CAMKMT: variants seen among roughly 807,000 people sequenced by gnomAD.
CAMKMT encodes calmodulin-lysine N-methyltransferase, also known as CaM KMT.
A neutral mutation model predicts 48.0 loss-of-function variants in CAMKMT; 53 were observed. That is an observed-to-expected ratio of 1.10 (90% CI 0.89 to 1.39). The LOEUF (loss-of-function observed/expected upper bound fraction) is 1.39. Among genes scored for constraint, CAMKMT ranks in the 40% most tolerant of loss-of-function variants. The pLI is 0.00. For synonymous variants in CAMKMT, 165 were observed against 152.3 expected (o/e 1.08, Z -0.61); for missense variants, 428 against 402.7 (o/e 1.06, Z -0.54).
intron 3 of CAMKMT, among the ~76,000 whole-genome samples, chr2:44,608,445 C>A (rs916487755): frequency 6.6e-6 from 1 of 151,988 alleles, no homozygotes; most frequent in Non-Finnish European, 1.5e-5. Flanking sequence ...ATTTATGGGG[C>A]ACCTATTGAC....
chr2:44,372,800 G>T lies in CAMKMT; in HGVS notation c.223G>T (p.Glu75Ter). ...ATCATTTAATCTGTTTTCAGTAACA[G>T]AAGGCAAAGAAAGGGAAACTGAAGA... Reference protein sequence around the residue: ...FESFNLFSVTEGKERETEEEV... With the variant: ...FESFNLFSVT Residue 75 changes from glutamate to a stop codon, truncating the protein, a stop_gained, in exon 2 of 11, where the codon GAA (glutamate) becomes TAA (stop). Transcript: ENST00000378494. LOFTEE classifies it high-confidence loss of function. The T allele has an allele frequency of 6.2e-7, 1 of 1,613,924 alleles. No individual in the cohort carries two copies. The highest frequency in any genetic ancestry group is 8.5e-7 in the Non-Finnish European group (1 of 1,179,934).
chr2:44,465,272 T>A (rs1482125031), intron 3 of CAMKMT, among the ~76,000 whole-genome samples: 2 of 151,644 alleles, frequency 1.3e-5, no homozygotes, highest in Non-Finnish European at 2.9e-5. Flanking sequence ...ACAAAAAAAA[T>A]GAGAACAGAA....
intron 3 of CAMKMT, among the ~76,000 whole-genome samples, chr2:44,541,570 A>G (rs933459050): frequency 6.6e-6 from 1 of 152,122 alleles, no homozygotes; most frequent in African/African-American, 2.4e-5. Flanking sequence ...GGATACATAT[A>G]TATATGCCTG....
intron 3 of CAMKMT, among the ~76,000 whole-genome samples, chr2:44,605,759 C>G (rs1671246235): frequency 6.6e-6 from 1 of 152,048 alleles, no homozygotes; most frequent in Non-Finnish European, 1.5e-5. Flanking sequence ...GATCACATAT[C>G]TTGCTTGTCC....
intron 8 of CAMKMT, among the ~76,000 whole-genome samples, chr2:44,751,657 C>T (rs1432198179): frequency 2.6e-5 from 4 of 152,144 alleles, no homozygotes; most frequent in Non-Finnish European, 4.4e-5. Flanking sequence ...TATACTGTAA[C>T]CTCCGTAAGG....
intron 3 of CAMKMT, among the ~76,000 whole-genome samples, chr2:44,666,713 G>T (rs774587715): frequency 1.3e-5 from 2 of 151,606 alleles, no homozygotes; most frequent in Non-Finnish European, 2.9e-5. Context: ...TGGGTTCAAG[G>T]GATTCTCCTG....
At chr2:44,467,641 G>A (rs1558637774) in intron 3 of CAMKMT, among the ~76,000 whole-genome samples, 1 of 152,016 alleles carries the variant, frequency 6.6e-6, no homozygotes, top group African/African-American at 2.4e-5. Context: ...AAACAATATG[G>A]TACTGGCATG....
At chr2:44,560,907 C>T (rs1156435733) in intron 3 of CAMKMT, among the ~76,000 whole-genome samples, 1 of 152,144 alleles carries the variant, frequency 6.6e-6, no homozygotes. Flanking sequence ...TGCTGTTTTC[C>T]TACTATCTTA....
intron 3 of CAMKMT, among the ~76,000 whole-genome samples, chr2:44,575,306 C>T (rs114345377): frequency 0.013 from 1,966 of 152,012 alleles, 16 homozygotes; most frequent in Non-Finnish European, 0.018. Flanking sequence ...CTTGAACTCC[C>T]GACCTCAAGT....
chr2:44,678,061 A>G (rs978951464), intron 3 of CAMKMT, among the ~76,000 whole-genome samples: 4 of 152,226 alleles, frequency 2.6e-5, no homozygotes, highest in African/African-American at 9.6e-5. Context: ...AGAAAAAAAA[A>G]AGGAATTCCA....
chr2:44,455,664 A>G (rs1011115181), intron 3 of CAMKMT, among the ~76,000 whole-genome samples: 1 of 152,204 alleles, frequency 6.6e-6, no homozygotes, highest in African/African-American at 2.4e-5. Context: ...AACTTTGACC[A>G]AGTTATTTAA....
At chr2:44,446,371 C>T (rs555309895) in intron 3 of CAMKMT, among the ~76,000 whole-genome samples, 10 of 152,040 alleles carry the variant, frequency 6.6e-5, no homozygotes, top group African/African-American at 2.4e-4. Flanking sequence ...ATTTGAAACA[C>T]AGTCTCGCTG....
At chr2:44,371,753 G>A (rs867826704) in intron 1 of CAMKMT, among the ~76,000 whole-genome samples, 6 of 151,840 alleles carry the variant, frequency 4.0e-5, no homozygotes, top group Admixed American at 3.9e-4. Flanking sequence ...ATTTCATTAT[G>A]AACTTATAAA....
intron 3 of CAMKMT, among the ~76,000 whole-genome samples, chr2:44,482,318 A>C (rs1432280985): frequency 6.6e-6 from 1 of 152,180 alleles, no homozygotes; most frequent in African/African-American, 2.4e-5. Context: ...TGTAAGCATT[A>C]GAATATAATA....
At chr2:44,395,996 A>G (rs1681802872) in intron 3 of CAMKMT, among the ~76,000 whole-genome samples, 1 of 152,150 alleles carries the variant, frequency 6.6e-6, no homozygotes, top group Admixed American at 6.5e-5. Context: ...TTAACATATG[A>G]TGAAGATACA....
chr2:44,522,019 T>A (rs1360131644), intron 3 of CAMKMT, among the ~76,000 whole-genome samples: 1 of 151,770 alleles, frequency 6.6e-6, no homozygotes, highest in African/African-American at 2.4e-5. Flanking sequence ...TTCTTTTTTT[T>A]TTTTTGACAG....
At chr2:44,672,048 A>T (rs1477233520) in intron 3 of CAMKMT, among the ~76,000 whole-genome samples, 1 of 152,196 alleles carries the variant, frequency 6.6e-6, no homozygotes, top group African/African-American at 2.4e-5. Flanking sequence ...ACCTGCCCCG[A>T]CAGGATGATG....
At chr2:44,565,205 T>G (rs10188972) in intron 3 of CAMKMT, among the ~76,000 whole-genome samples, 84,339 of 152,078 alleles carry the variant, frequency 0.55, 24,649 homozygotes, top group Middle Eastern at 0.67. Context: ...TGGCAACACC[T>G]TCAAACATTT....
intron 3 of CAMKMT, among the ~76,000 whole-genome samples, chr2:44,688,015 A>G (rs185870693): frequency 6.6e-6 from 1 of 152,340 alleles, no homozygotes; most frequent in Admixed American, 6.5e-5. Flanking sequence ...TAGATGTTTT[A>G]ATATAGTTGA....
Sources: gnomAD v4.1 joint callset for allele counts (sites outside exome capture counted in the v4.1 genomes callset) on GRCh38, gnomAD v4.1.1 for gene constraint, MANE v1.5 for transcripts, NCBI Gene and HGNC (gene_info 2026-07-23, HGNC 2026-07-21) for gene names.